Variants in NRG1 observed in about 807,000 individuals in gnomAD.
NRG1 encodes the protein pro-neuregulin-1, membrane-bound isoform.
NRG1 carries 18 observed loss-of-function variants against 63.8 expected under a neutral mutation model. That is an observed-to-expected ratio of 0.28 (90% CI 0.19 to 0.42). NRG1 has a LOEUF of 0.42. Among genes scored for constraint, NRG1 ranks in the 10% least tolerant of loss-of-function variants. NRG1 has a pLI of 1.00. For missense variants in NRG1, 762 were observed against 814.7 expected (o/e 0.94, Z 0.79); for synonymous variants, 302 against 301.3 (o/e 1.00, Z -0.02).
chr8:32,116,726 TA>T (rs781115419), intron 1 of NRG1, among the ~76,000 whole-genome samples: 4 of 152,080 alleles, frequency 2.6e-5, no homozygotes, highest in Non-Finnish European at 5.9e-5. Flanking sequence ...CAATTTGTAT[TA>T]ATATGATAGG....
intron 1 of NRG1, among the ~76,000 whole-genome samples, chr8:31,682,631 T>C (rs954998494): frequency 6.6e-6 from 1 of 152,090 alleles, no homozygotes; most frequent in African/African-American, 2.4e-5. Flanking sequence ...GCCTATAATT[T>C]TTTTTCAAAC....
intron 1 of NRG1, among the ~76,000 whole-genome samples, chr8:31,720,975 T>C (rs998477662): frequency 3.9e-5 from 6 of 152,172 alleles, no homozygotes; most frequent in Admixed American, 2.0e-4. Flanking sequence ...GATGCAGAAC[T>C]GATAGAGGGA....
chr8:31,782,537 C>T (rs1161542823), intron 1 of NRG1, among the ~76,000 whole-genome samples: 1 of 152,120 alleles, frequency 6.6e-6, no homozygotes, highest in Non-Finnish European at 1.5e-5. Flanking sequence ...TGTAATGGAA[C>T]TCAATAAATA....
At chr8:31,714,132 A>G (rs929513125) in intron 1 of NRG1, among the ~76,000 whole-genome samples, 1 of 152,070 alleles carries the variant, frequency 6.6e-6, no homozygotes, top group Non-Finnish European at 1.5e-5. Context: ...CCTTTGGGAG[A>G]CTATGTATGC....
At chr8:31,870,829 G>A (rs994657795) in intron 1 of NRG1, among the ~76,000 whole-genome samples, 2 of 152,210 alleles carry the variant, frequency 1.3e-5, no homozygotes, top group African/African-American at 4.8e-5. Context: ...TGCACCTCAT[G>A]TGCAAAAGAC....
intron 1 of NRG1, among the ~76,000 whole-genome samples, chr8:31,827,311 T>G (rs1406470250): frequency 6.6e-6 from 1 of 152,228 alleles, no homozygotes; most frequent in Non-Finnish European, 1.5e-5. Context: ...GCTACAATTA[T>G]GCAAGGTATT....
At chr8:32,751,362 G>A (rs1589590331) in intron 7 of NRG1, among the ~76,000 whole-genome samples, 1 of 152,232 alleles carries the variant, frequency 6.6e-6, no homozygotes, top group East Asian at 1.9e-4. Context: ...AGACTCTGGG[G>A]CATTTGTGCT....
intron 1 of NRG1, among the ~76,000 whole-genome samples, chr8:31,661,020 A>G (rs558950332): frequency 6.6e-6 from 1 of 152,350 alleles, no homozygotes; most frequent in African/African-American, 2.4e-5. Flanking sequence ...AAACTGGGAA[A>G]TAATTAAGAT....
At chr8:32,556,510 A>G (rs1447351189) in intron 1 of NRG1, among the ~76,000 whole-genome samples, 1 of 152,364 alleles carries the variant, frequency 6.6e-6, no homozygotes, top group East Asian at 1.9e-4. Flanking sequence ...CATTATTTCT[A>G]CAGAGAGATT....
At chr8:32,300,792 T>C (rs745885099) in intron 1 of NRG1, among the ~76,000 whole-genome samples, 3 of 152,214 alleles carry the variant, frequency 2.0e-5, no homozygotes, top group African/African-American at 4.8e-5. Flanking sequence ...TGACAGCCAG[T>C]ATATGTTGTT....
chr8:31,986,003 A>T (rs2346374), intron 1 of NRG1, among the ~76,000 whole-genome samples: 109,092 of 151,982 alleles, frequency 0.72, 40,482 homozygotes, highest in Non-Finnish European at 0.82. Flanking sequence ...ATTATTAGAC[A>T]TCCATTTATA....
intron 1 of NRG1, among the ~76,000 whole-genome samples, chr8:31,664,710 T>C (rs535741271): frequency 1.3e-5 from 2 of 152,286 alleles, no homozygotes; most frequent in African/African-American, 4.8e-5. Flanking sequence ...GGGATGGCAG[T>C]TGATCTGCAA....
At chr8:32,543,575 T>G (rs1563609310), upstream of NRG1, among the ~76,000 whole-genome samples, 1 of 152,108 alleles carries the variant, frequency 6.6e-6, no homozygotes, top group Non-Finnish European at 1.5e-5. Flanking sequence ...GCAATAGTAT[T>G]TAGCAGTATT....
intron 1 of NRG1, among the ~76,000 whole-genome samples, chr8:32,098,134 C>CGTCATA (rs77997125): frequency 0.35 from 52,702 of 151,904 alleles, 9,789 homozygotes; most frequent in East Asian, 0.5. Context: ...GGGAAGAAAC[C>CGTCATA]AAGAGGGCCT....
chr8:32,692,139 A>AT (rs553261977), intron 5 of NRG1, among the ~76,000 whole-genome samples: 2 of 152,220 alleles, frequency 1.3e-5, no homozygotes, highest in African/African-American at 4.8e-5. Context: ...ACAATCAGTG[A>AT]TTTTTTTGTG....
At chr8:32,496,537 CT>C (rs1352722026) in intron 1 of NRG1, among the ~76,000 whole-genome samples, 1 of 152,086 alleles carries the variant, frequency 6.6e-6, no homozygotes, top group Non-Finnish European at 1.5e-5. Context: ...TTGCGGTGAG[CT>C]ATGATTGAGC....
At chr8:32,040,735 TATGAAATTTAGGCGC>T (rs1318838379) in intron 1 of NRG1, among the ~76,000 whole-genome samples, 13 of 44,030 alleles carry the variant, frequency 3.0e-4, no homozygotes, top group South Asian at 7.9e-4. Flanking sequence ...TATATATATA[TATGAAATTTAGGCGC>T]ATATATATAT....
intron 1 of NRG1, among the ~76,000 whole-genome samples, chr8:32,468,774 G>T (rs1823402940): frequency 6.7e-6 from 1 of 150,370 alleles, no homozygotes; most frequent in African/African-American, 2.5e-5. Context: ...TTAAAAGCCT[G>T]GGAGAGGGAC....
rs566291950 is a variant in NRG1, at chr8:32,180,413, C to A, written c.38-415415C>A. Among the ~76,000 whole-genome samples, 3 of 152,190 alleles carry A rather than the reference C, an allele frequency of 2.0e-5. No individual in the cohort carries two copies. The East Asian group carries it at 5.8e-4, about 29-fold the overall frequency. On this transcript the variant is annotated intron_variant, in intron 1 of 10. Transcript: ENST00000519301. ...TGTCTTTAAATGCATGTTTAAAATA[C>A]ATCAGATTACAAAGAATGTCAATTA...
Sources: gnomAD v4.1 joint callset for allele counts (sites outside exome capture counted in the v4.1 genomes callset) on GRCh38, gnomAD v4.1.1 for gene constraint, MANE v1.5 for transcripts, NCBI Gene and HGNC (gene_info 2026-07-23, HGNC 2026-07-21) for gene names.